The following ADAMTS8 variants were observed in gnomAD, a reference collection of about 807,000 sequenced individuals.
ADAMTS8 encodes the protein ADAM metallopeptidase with thrombospondin type 1 motif 8, also known as A disintegrin and metalloproteinase with thrombospondin motifs 8.
A neutral mutation model predicts 64.4 loss-of-function variants in ADAMTS8; 50 were observed. The observed-to-expected ratio is 0.78, with a 90% CI of 0.62 to 0.98. The LOEUF (loss-of-function observed/expected upper bound fraction) is 0.98. Among genes scored for constraint, ADAMTS8 ranks in the 50% least tolerant of loss-of-function variants. The pLI is 0.00. For synonymous variants in ADAMTS8, 556 were observed against 533.6 expected, an observed-to-expected ratio of 1.04 and a Z score of -0.58; for missense variants, 1,192 against 1,208.2, an observed-to-expected ratio of 0.99 and a Z score of 0.20.
chr11:130,419,158 A>C lies in ADAMTS8; in HGVS notation c.855T>G (p.Asn285Lys). The change falls in exon 2 of 9, where the codon AAT (asparagine) becomes AAG (lysine). Residue 285 changes from asparagine (N) to lysine (K), a missense_variant. Asn to Lys is a moderately conservative substitution (Grantham distance 94). Coordinates refer to ENST00000257359, the MANE Select transcript of ADAMTS8 (RefSeq NM_007037.6). ...DEKWGPEVSD[N>K]GGLTLRNFCN... Reference sequence around the variant, plus strand: ...AGAAGTTACGCAGTGTAAGCCCCCCATTGTCGGACACCTCTGGGCCCCATT... The same window carrying C: ...AGAAGTTACGCAGTGTAAGCCCCCCCTTGTCGGACACCTCTGGGCCCCATT... 1 of 1,614,098 alleles carries C rather than the reference A, an allele frequency of 6.2e-7. No homozygotes were observed. Among genetic ancestry groups the C allele is most frequent in the Non-Finnish European group, 8.5e-7 (1 of 1,180,024 alleles).
chr11:130,413,929 C>T (rs913050750), intron 5 of ADAMTS8, among the ~76,000 whole-genome samples: 7 of 152,190 alleles, frequency 4.6e-5, no homozygotes, highest in Admixed American at 2.0e-4. Context: ...CCAATCTGCA[C>T]CTGCACCAGC....
chr11:130,409,014 T>C (rs1478662452), intron 6 of ADAMTS8, 74 bp from the exon 7 acceptor site: 3 of 1,485,086 alleles, frequency 2.0e-6, no homozygotes, highest in Non-Finnish European at 9.0e-7. Flanking sequence ...AAATCCCGAA[T>C]TTACAGCACT....
chr11:130,414,940 T>C, intron 4 of ADAMTS8, 108 bp from the exon 5 acceptor site: 1 of 1,198,214 alleles, frequency 8.3e-7, no homozygotes, highest in Non-Finnish European at 1.1e-6. Flanking sequence ...TCACGACTTC[T>C]TGACCTCCAA....
At position 130,427,614 on chromosome 11, in the gene ADAMTS8, G is replaced by T; in HGVS notation, c.673C>A (p.Leu225Met). The change falls in exon 1 of 9, where the codon CTG becomes ATG. Residue 225 changes from leucine to methionine, a missense_variant. Transcript: ENST00000257359. ...GCAGCCATGGACGCATCGGCCACCAGCAGCGTCTCCACGAAGCGCGCCTCA... is the reference window on the plus strand; with the variant it reads ...GCAGCCATGGACGCATCGGCCACCATCAGCGTCTCCACGAAGCGCGCCTCA... ...VSEARFVETL[L>M]VADASMAAFY... 1 of 1,552,404 alleles carries T rather than the reference G, an allele frequency of 6.4e-7. No homozygotes were observed. The highest frequency in any genetic ancestry group is 8.7e-7 in the Non-Finnish European group (1 of 1,152,190).
At position 130,427,651 on chromosome 11, in the gene ADAMTS8, CT is replaced by C; in HGVS notation, c.635del (p.Lys212SerfsTer33). 6.3e-7 allele frequency: 1 copy of C among 1,589,140 alleles called. No homozygotes were observed. Among genetic ancestry groups the C allele is most frequent in the Non-Finnish European group, 8.5e-7 (1 of 1,170,054 alleles). On this transcript the variant is annotated frameshift_variant, in exon 1 of 9. Transcript: ENST00000257359. LOFTEE classifies it high-confidence loss of function. ...PPPLGATSRT[K>X]RFVSEARFVE... ...CGAAGCGCGCCTCAGACACAAACCG[CT>C]TGGTCCTACTCGTGGCCCCCAGGGG...
chr11:130,406,712 G>A (rs1305834852), intron 8 of ADAMTS8, among the ~76,000 whole-genome samples: 1 of 152,226 alleles, frequency 6.6e-6, no homozygotes, highest in Non-Finnish European at 1.5e-5. Context: ...CTTCTTTGAA[G>A]CCACCTTCTG....
intron 1 of ADAMTS8, among the ~76,000 whole-genome samples, chr11:130,425,258 C>T (rs1862149005): frequency 6.6e-6 from 1 of 152,154 alleles, no homozygotes; most frequent in Non-Finnish European, 1.5e-5. Flanking sequence ...CAAACCCAAG[C>T]AGAGTCTCCT....
intron 1 of ADAMTS8, among the ~76,000 whole-genome samples, chr11:130,419,717 C>T (rs56009602): frequency 0.044 from 6,630 of 152,318 alleles, 196 homozygotes; most frequent in East Asian, 0.1. Flanking sequence ...TTCTACTGGA[C>T]GGCATGGCTT....
chr11:130,415,607 T>TTTTTTG lies in ADAMTS8; in HGVS notation c.1264+555_1264+556insCAAAAA. Among the ~76,000 whole-genome samples, 3 of 137,450 alleles carry TTTTTTG rather than the reference T, an allele frequency of 2.2e-5. 1 individual carries two copies. Among genetic ancestry groups the TTTTTTG allele is most frequent in the Admixed American group, 2.1e-4 (3 of 14,360 alleles). 90.2% of individuals were successfully genotyped at this position (137,450 alleles called of 152,430 possible). Reference sequence around the variant, plus strand: ...CAGAAGCCACTGCACCTGGCCCTTTTTTTTTTTTTTTTTTTTAAAGAGATA... The same window carrying TTTTTTG: ...CAGAAGCCACTGCACCTGGCCCTTTTTTTTTGTTTTTTTTTTTTTTTTAAAGAGATA... On this transcript the variant is annotated intron_variant, in intron 4 of 8. Transcript: ENST00000257359.
Position 130,411,518 on chromosome 11 carries a change from T to C in ADAMTS8, c.1649A>G (p.His550Arg). Reference protein sequence around the residue: ...RTCGGGVQFSHRECKDPEPQN... With the variant: ...RTCGGGVQFSRRECKDPEPQN... ...AGGCTCGGGGTCCTTGCACTCACGGTGTGAAAACTGTACTCCTCCTCCACA... is the reference window on the plus strand; with the variant it reads ...AGGCTCGGGGTCCTTGCACTCACGGCGTGAAAACTGTACTCCTCCTCCACA... Residue 550 changes from histidine to arginine, a missense_variant, in exon 6 of 9, where the codon CAC becomes CGC. Around this residue, in one of 5 missense-constraint regions of ADAMTS8, gnomAD observed 290 missense variants for 297.8 expected, o/e 0.97. Coordinates refer to ENST00000257359, the MANE Select transcript of ADAMTS8 (RefSeq NM_007037.6). The surrounding 1 kb of genome is among the most constrained non-coding windows in gnomAD (Gnocchi z 4.2). The C allele has an allele frequency of 1.2e-6, 2 of 1,614,150 alleles. No individual in the cohort carries two copies. The highest frequency in any genetic ancestry group is 1.7e-6 in the Non-Finnish European group (2 of 1,180,034).
chr11:130,414,483 T>A, intron 5 of ADAMTS8, 48 bp downstream of exon 5: 2 of 1,532,010 alleles, frequency 1.3e-6, no homozygotes, highest in Non-Finnish European at 1.8e-6. Context: ...CCCATTTCCT[T>A]TTGTTTCTCC....
At chr11:130,420,994 C>T (rs996172721) in intron 1 of ADAMTS8, among the ~76,000 whole-genome samples, 9 of 152,160 alleles carry the variant, frequency 5.9e-5, no homozygotes, top group African/African-American at 1.9e-4. Context: ...GGACCAACCC[C>T]TGGAATTTCT....
chr11:130,407,351 G>A (rs1010566469), intron 8 of ADAMTS8, among the ~76,000 whole-genome samples: 4 of 152,230 alleles, frequency 2.6e-5, no homozygotes, highest in Admixed American at 2.6e-4. Flanking sequence ...AGGCAACAGA[G>A]TGAGACTCTG....
At chr11:130,422,532 C>T (rs77881697) in intron 1 of ADAMTS8, among the ~76,000 whole-genome samples, 2 of 152,242 alleles carry the variant, frequency 1.3e-5, no homozygotes, top group South Asian at 2.1e-4. Context: ...AAAGTGGCCC[C>T]GGGAAGCTCT....
chr11:130,423,427 A>G (rs77213886), intron 1 of ADAMTS8, among the ~76,000 whole-genome samples: 1,709 of 152,306 alleles, frequency 0.011, 31 homozygotes, highest in African/African-American at 0.039. Flanking sequence ...GTTGTCATCC[A>G]AACCAGGACA....
intron 1 of ADAMTS8, among the ~76,000 whole-genome samples, chr11:130,422,467 C>T (rs576160373): frequency 6.6e-6 from 1 of 152,240 alleles, no homozygotes; most frequent in South Asian, 2.1e-4. Flanking sequence ...TTGCGCTTCA[C>T]CGGTGGCTCC....
intron 1 of ADAMTS8, among the ~76,000 whole-genome samples, chr11:130,426,540 G>C (rs1862169425): frequency 6.6e-6 from 1 of 152,108 alleles, no homozygotes; most frequent in African/African-American, 2.4e-5. Flanking sequence ...CTGGTTCTGT[G>C]CTCCCTAGGG....
intron 5 of ADAMTS8, 117 bp downstream of exon 5, chr11:130,414,414 G>T: frequency 1.6e-6 from 2 of 1,289,442 alleles, no homozygotes; most frequent in Non-Finnish European, 2.1e-6. Context: ...CTGCCTGGCT[G>T]TCTCTCGGTT....
In ADAMTS8 at chr11:130,406,029, C is replaced by T; in HGVS notation, c.2199G>A (p.Leu733=). The T allele has an allele frequency of 6.2e-7, 1 of 1,614,240 alleles. No individual in the cohort carries two copies. The highest frequency in any genetic ancestry group is 8.5e-7 in the Non-Finnish European group (1 of 1,180,050). The change falls in exon 9 of 9, where the codon CTG becomes CTA. Residue 733 remains leucine (L), a synonymous_variant. Coordinates refer to ENST00000257359, the MANE Select transcript of ADAMTS8 (RefSeq NM_007037.6). Reference sequence around the variant, plus strand: ...ACTGCCCATCAGCCGTCTTCAGCGCCAGGTAGTTCCCATCGTTCTGCACAC... The same window carrying T: ...ACTGCCCATCAGCCGTCTTCAGCGCTAGGTAGTTCCCATCGTTCTGCACAC... ...HPGVQNDGNY[L]ALKTADGQYL...
Sources: gnomAD v4.1 joint callset for allele counts (sites outside exome capture counted in the v4.1 genomes callset) on GRCh38, gnomAD v4.1.1 for gene constraint, gnomAD v4.1.1 regional missense constraint, Gnocchi (gnomAD v3.1) non-coding constraint, MANE v1.5 for transcripts, NCBI Gene and HGNC (gene_info 2026-07-23, HGNC 2026-07-21) for gene names.